Variants in TDG observed in about 807,000 individuals in gnomAD.
TDG encodes the protein thymine DNA glycosylase.
Under a neutral mutation model 46.1 loss-of-function variants are expected in TDG, and 23 were observed. That is an observed-to-expected ratio of 0.50 (90% confidence interval 0.36 to 0.71). The LOEUF (loss-of-function observed/expected upper bound fraction) is 0.71. Ranked by LOEUF, TDG falls within the 30% of genes least tolerant of loss-of-function variation. The probability of loss-of-function intolerance (pLI) is 0.00; values close to 1 mark genes in which losing one functional copy is unlikely to be tolerated. For missense variants in TDG, 304 were observed against 486.7 expected, an observed-to-expected ratio of 0.62 and a Z score of 3.53; for synonymous variants, 115 against 161.3, an observed-to-expected ratio of 0.71 and a Z score of 2.18.
intron 9 of TDG, 66 bp from the exon 10 acceptor site, chr12:103,986,882 C>A: frequency 6.4e-7 from 1 of 1,563,298 alleles, no homozygotes; most frequent in Non-Finnish European, 8.7e-7. Flanking sequence ...AAGACCCAGT[C>A]TCTACTTTAA....
rs1188592936 is a variant in TDG, at chr12:103,988,629, T to C, written c.*1539T>C. On this transcript the variant is annotated 3_prime_UTR_variant, in exon 10 of 10. Coordinates refer to ENST00000392872, the MANE Select transcript of TDG (RefSeq NM_003211.6). ...TAACTATTGTAGCTTTACAAGAGAT[T>C]GTTTTATTTGAATGGGGAAAATACC... 6.5e-6 allele frequency: 1 copy of C among 152,734 alleles called. No homozygotes were observed. The highest frequency in any genetic ancestry group is 1.5e-5 in the Non-Finnish European group (1 of 68,054). 9.5% of individuals were successfully genotyped at this position (152,734 alleles called of 1,614,324 possible).
intron 1 of TDG, chr12:103,973,024 T>C (rs750959334): frequency 1.4e-6 from 1 of 702,488 alleles, no homozygotes; most frequent in South Asian, 1.5e-5. Flanking sequence ...GTAAGAAACA[T>C]GGGAGAGTGG....
At chr12:103,978,179 A>C (rs191306143) in intron 2 of TDG, among the ~76,000 whole-genome samples, 195 of 152,280 alleles carry the variant, frequency 1.3e-3, no homozygotes, top group African/African-American at 4.4e-3. Context: ...GAAGGGGTGG[A>C]GAAAGAATTA....
intron 1 of TDG, chr12:103,972,927 T>C: frequency 1.4e-6 from 1 of 691,794 alleles, no homozygotes; most frequent in Non-Finnish European, 2.6e-6. Flanking sequence ...TGTTGTAATG[T>C]GAACGGTGTC....
At chr12:103,982,977 A>G in intron 5 of TDG, 43 bp downstream of exon 5, 1 of 1,608,564 alleles carries the variant, frequency 6.2e-7, no homozygotes, top group Non-Finnish European at 8.5e-7. Flanking sequence ...AACCTTGAGT[A>G]TGCTGGTGCC....
chr12:103,986,787 G>T, intron 9 of TDG, 161 bp from the exon 10 acceptor site: 1 of 659,988 alleles, frequency 1.5e-6, no homozygotes, highest in Non-Finnish European at 2.5e-6. Flanking sequence ...TGAGAGGCTA[G>T]GATGGGAGGA....
At chr12:103,976,728 A>G in intron 1 of TDG, among the ~76,000 whole-genome samples, 190 bp from the exon 2 acceptor site, 1 of 152,192 alleles carries the variant, frequency 6.6e-6, no homozygotes, top group East Asian at 1.9e-4. Context: ...TTGGTTATTA[A>G]GCACTCAGTA....
intron 3 of TDG, chr12:103,980,582 T>TG (rs1871775694): frequency 3.8e-6 from 1 of 265,688 alleles, no homozygotes; most frequent in South Asian, 7.7e-5. Flanking sequence ...GGGCTCAGAT[T>TG]GATTGTTCCA....
chr12:103,972,910 A>G, intron 1 of TDG: 3 of 640,170 alleles, frequency 4.7e-6, no homozygotes, highest in Non-Finnish European at 8.4e-6. Context: ...TTTAAAGTAA[A>G]GAATCCTGTT....
chr12:103,982,974 A>G (rs565722335), intron 5 of TDG, 40 bp downstream of exon 5: 2 of 1,609,370 alleles, frequency 1.2e-6, no homozygotes, highest in Admixed American at 3.4e-5. Context: ...TGGAACCTTG[A>G]GTATGCTGGT....
chr12:103,969,450 T>C (rs943460380), intron 1 of TDG, among the ~76,000 whole-genome samples: 5 of 152,248 alleles, frequency 3.3e-5, no homozygotes, highest in Non-Finnish European at 2.9e-5. Flanking sequence ...TCTGTACTTA[T>C]ATGCCATGTA....
Position 103,966,052 on chromosome 12 carries a change from C to A in TDG, c.15C>A (p.Asn5Lys). Residue 5 changes from asparagine (N) to lysine (K), a missense_variant, in exon 1 of 10, where the codon AAC becomes AAA. By Grantham distance (94) the Asn-to-Lys change is moderately conservative. Coordinates refer to ENST00000392872, the MANE Select transcript of TDG (RefSeq NM_003211.6). ...GGCCTCGGGGAATGGAAGCGGAGAA[C>A]GCGGGCAGGTAATACCGGGGCCAGC... is the stretch of plus-strand genomic sequence containing the variant. MEAENAGSYSLQQAQ... is the reference protein window; with the variant it reads MEAEKAGSYSLQQAQ... The A allele has an allele frequency of 6.3e-7, 1 of 1,593,638 alleles. No individual in the cohort carries two copies. The highest frequency in any genetic ancestry group is 8.5e-7 in the Non-Finnish European group (1 of 1,170,916).
intron 4 of TDG, among the ~76,000 whole-genome samples, chr12:103,981,613 G>A (rs1016274409): frequency 3.3e-5 from 5 of 152,126 alleles, no homozygotes; most frequent in African/African-American, 9.7e-5. Flanking sequence ...GTACATCTTT[G>A]TGGCAGTGCA....
intron 1 of TDG, among the ~76,000 whole-genome samples, chr12:103,974,434 G>GCCCA (rs1167155324): frequency 2.0e-5 from 3 of 152,024 alleles, no homozygotes; most frequent in African/African-American, 7.2e-5. Context: ...GTACCACCAT[G>GCCCA]CCCAGCTAAT....
At chr12:103,974,751 G>T (rs560310258) in intron 1 of TDG, among the ~76,000 whole-genome samples, 6 of 151,902 alleles carry the variant, frequency 3.9e-5, no homozygotes, top group Non-Finnish European at 8.8e-5. Flanking sequence ...CGGGTGGATC[G>T]CGAGGTCAGG....
chr12:103,977,493 A>C (rs1353176891), intron 2 of TDG, among the ~76,000 whole-genome samples: 4 of 152,036 alleles, frequency 2.6e-5, no homozygotes, highest in Non-Finnish European at 4.4e-5. Flanking sequence ...AGGGAGCTAT[A>C]CAGGCTGGGT....
chr12:103,970,993 G>T (rs898834965), intron 1 of TDG, among the ~76,000 whole-genome samples: 10 of 152,080 alleles, frequency 6.6e-5, no homozygotes, highest in African/African-American at 2.2e-4. Context: ...AATGCAGGAT[G>T]ACAGCTACTT....
chr12:103,982,747 A>G, intron 4 of TDG, 52 bp from the exon 5 acceptor site: 6 of 1,588,776 alleles, frequency 3.8e-6, no homozygotes, highest in South Asian at 1.1e-5. Context: ...CCTGGGTGAC[A>G]GAGCGAGACC....
intron 1 of TDG, among the ~76,000 whole-genome samples, chr12:103,973,658 A>G (rs1366240475): frequency 3.9e-5 from 6 of 152,224 alleles, no homozygotes; most frequent in African/African-American, 1.4e-4. Flanking sequence ...TACTAATAAT[A>G]TTAAATAAAA....
Sources: allele counts gnomAD v4.1 joint callset (sites outside exome capture counted in the v4.1 genomes callset), GRCh38; gene constraint gnomAD v4.1.1; transcripts MANE v1.5; gene names NCBI Gene and HGNC (gene_info 2026-07-23, HGNC 2026-07-21).